The following FRAS1 variants were observed in gnomAD, a reference collection of about 807,000 sequenced individuals.
FRAS1 encodes Fraser extracellular matrix complex subunit 1, also known as extracellular matrix organizing protein FRAS1.
In FRAS1, 290 loss-of-function variants were observed where a neutral mutation model predicts 435.2. The observed-to-expected ratio is 0.67, with a 90% CI of 0.61 to 0.73. The LOEUF is 0.73. Ranked by LOEUF, FRAS1 falls within the 30% of genes least tolerant of loss-of-function variation. The probability of loss-of-function intolerance (pLI) is 0.00; values close to 1 mark genes in which losing one functional copy is unlikely to be tolerated. For synonymous variants in FRAS1, 1,800 were observed against 1,851.0 expected (o/e 0.97, Z 0.71); for missense variants, 4,860 against 5,001.5 (o/e 0.97, Z 0.85).
chr4:78,305,664 G>A (rs1378430061), intron 14 of FRAS1, among the ~76,000 whole-genome samples: 4 of 149,830 alleles, frequency 2.7e-5, no homozygotes, highest in African/African-American at 7.4e-5. Flanking sequence ...AGTCTGTTTT[G>A]TCAGAGACTA....
At chr4:78,293,545 A>G (rs1280806974) in intron 14 of FRAS1, among the ~76,000 whole-genome samples, 3 of 152,102 alleles carry the variant, frequency 2.0e-5, no homozygotes, top group African/African-American at 7.2e-5. Context: ...CATGTTTAAC[A>G]TAGTTGTGGG....
chr4:78,457,608 C>A (rs1412505152), intron 47 of FRAS1, among the ~76,000 whole-genome samples: 1 of 152,134 alleles, frequency 6.6e-6, no homozygotes, highest in East Asian at 1.9e-4. Flanking sequence ...ATTGAAAATC[C>A]TTTCATCAGC....
At chr4:78,306,869 A>G (rs991893790) in intron 14 of FRAS1, among the ~76,000 whole-genome samples, 1 of 152,180 alleles carries the variant, frequency 6.6e-6, no homozygotes, top group Non-Finnish European at 1.5e-5. Flanking sequence ...TCAGCTCGTC[A>G]AAGTCATTCT....
intron 2 of FRAS1, among the ~76,000 whole-genome samples, chr4:78,219,568 G>T (rs1333691769): frequency 6.6e-6 from 1 of 152,142 alleles, no homozygotes; most frequent in Non-Finnish European, 1.5e-5. Flanking sequence ...CCACCTGCCA[G>T]ACCAGATTGA....
chr4:78,484,976 G>A (rs965735369), intron 58 of FRAS1, among the ~76,000 whole-genome samples: 10 of 152,182 alleles, frequency 6.6e-5, no homozygotes, highest in Non-Finnish European at 1.0e-4. Flanking sequence ...TCAGCTATAC[G>A]TTTTATTCTT....
chr4:78,530,197 T>A (rs888731530), intron 70 of FRAS1, among the ~76,000 whole-genome samples: 1 of 151,960 alleles, frequency 6.6e-6, no homozygotes, highest in Non-Finnish European at 1.5e-5. Context: ...TTCTCCAGGG[T>A]AGGTTCTGGA....
intron 2 of FRAS1, among the ~76,000 whole-genome samples, chr4:78,199,644 T>C (rs775666427): frequency 2.0e-5 from 3 of 152,234 alleles, no homozygotes; most frequent in Non-Finnish European, 4.4e-5. Context: ...TAACTCATAT[T>C]CTCTCAAAAG....
intron 30 of FRAS1, among the ~76,000 whole-genome samples, chr4:78,403,789 C>T (rs959272772): frequency 6.6e-6 from 1 of 152,118 alleles, no homozygotes; most frequent in African/African-American, 2.4e-5. Flanking sequence ...CCTAACCTAC[C>T]GAACATCATA....
chr4:78,214,929 A>G (rs1488647283), intron 2 of FRAS1, among the ~76,000 whole-genome samples: 1 of 152,180 alleles, frequency 6.6e-6, no homozygotes. Flanking sequence ...ATCTAGGACC[A>G]TAGTCTGTGT....
intron 2 of FRAS1, chr4:78,182,005 G>A (rs570268857): frequency 6.4e-7 from 1 of 1,557,114 alleles, no homozygotes; most frequent in Non-Finnish European, 8.6e-7. Flanking sequence ...CGAATCGGTT[G>A]GTGACCACAC....
chr4:78,416,773 T>C (rs1051659705), intron 32 of FRAS1, among the ~76,000 whole-genome samples: 10 of 152,156 alleles, frequency 6.6e-5, no homozygotes, highest in African/African-American at 2.4e-4. Flanking sequence ...AGAGGCCTCA[T>C]GTCCTTGTGA....
intron 2 of FRAS1, among the ~76,000 whole-genome samples, chr4:78,116,886 G>T (rs1011736690): frequency 3.3e-5 from 5 of 152,136 alleles, no homozygotes; most frequent in African/African-American, 4.8e-5. Flanking sequence ...ATGTTAGCTG[G>T]TTATTTTGCT....
intron 1 of FRAS1, among the ~76,000 whole-genome samples, chr4:78,061,506 T>G (rs1739759304): frequency 6.6e-6 from 1 of 152,208 alleles, no homozygotes; most frequent in African/African-American, 2.4e-5. Context: ...ATTTTAGCCA[T>G]TCCCACAAAC....
chr4:78,276,704 G>T (rs1727059297), intron 9 of FRAS1, among the ~76,000 whole-genome samples: 2 of 152,230 alleles, frequency 1.3e-5, no homozygotes, highest in South Asian at 4.1e-4. Flanking sequence ...ACCCGGCCGT[G>T]TGAGGTGTCA....
At chr4:78,507,695 C>T in intron 62 of FRAS1, 87 bp downstream of exon 62, 1 of 1,308,000 alleles carries the variant, frequency 7.6e-7, no homozygotes, top group East Asian at 2.7e-5. Flanking sequence ...TTTCTTTATT[C>T]TTCTAACCCA....
chr4:78,506,397 G>A (rs1010724318), intron 61 of FRAS1, among the ~76,000 whole-genome samples: 1 of 152,234 alleles, frequency 6.6e-6, no homozygotes, highest in East Asian at 1.9e-4. Context: ...GAGCTGTGGT[G>A]GGCTCCCCCC....
intron 2 of FRAS1, among the ~76,000 whole-genome samples, chr4:78,099,161 G>A (rs1741977998): frequency 6.6e-6 from 1 of 152,214 alleles, no homozygotes; most frequent in African/African-American, 2.4e-5. Context: ...GGGCCATGGG[G>A]TGATCGAGGA....
chr4:78,178,456 T>A (rs1375037340), intron 2 of FRAS1, among the ~76,000 whole-genome samples: 1 of 152,216 alleles, frequency 6.6e-6, no homozygotes, highest in Non-Finnish European at 1.5e-5. Flanking sequence ...AGAAGCTACC[T>A]GCAAAAGAAA....
chr4:78,332,396 C>G (rs1010058565), intron 18 of FRAS1, among the ~76,000 whole-genome samples: 3 of 152,134 alleles, frequency 2.0e-5, no homozygotes, highest in African/African-American at 7.2e-5. Context: ...TGCAACTATC[C>G]CCTTTATCAT....
Sources: gnomAD v4.1 joint callset for allele counts (sites outside exome capture counted in the v4.1 genomes callset) on GRCh38, gnomAD v4.1.1 for gene constraint, MANE v1.5 for transcripts, NCBI Gene and HGNC (gene_info 2026-07-23, HGNC 2026-07-21) for gene names.